The following SLC4A10 variants were observed in gnomAD, a reference collection of about 807,000 sequenced individuals.
The protein encoded by SLC4A10 is solute carrier family 4 member 10, also known as sodium-driven chloride bicarbonate exchanger.
In SLC4A10, 42 loss-of-function variants were observed where a neutral mutation model predicts 137.7. The ratio of observed to expected loss-of-function variants is 0.30; its 90% CI spans 0.24 to 0.39. The LOEUF (loss-of-function observed/expected upper bound fraction) is 0.39. SLC4A10 is among the 10% of genes least tolerant of loss of function. The probability of loss-of-function intolerance (pLI) is 1.00; values close to 1 mark genes in which losing one functional copy is unlikely to be tolerated. For missense variants in SLC4A10, 925 were observed against 1,355.0 expected (o/e 0.68, Z 4.98); for synonymous variants, 474 against 464.1 (o/e 1.02, Z -0.27).
intron 1 of SLC4A10, among the ~76,000 whole-genome samples, chr2:161,636,563 A>T (rs977887717): frequency 2.0e-5 from 3 of 151,524 alleles, no homozygotes; most frequent in South Asian, 2.1e-4. Context: ...TACCTGGCTA[A>T]TTTTTTTTGT....
intron 1 of SLC4A10, among the ~76,000 whole-genome samples, chr2:161,769,698 T>G (rs1363618606): frequency 6.6e-6 from 1 of 151,906 alleles, no homozygotes; most frequent in African/African-American, 2.4e-5. Flanking sequence ...CTTCTTTCAT[T>G]TCTCTTCTCC....
chr2:161,809,680 T>G (rs2056352324), intron 3 of SLC4A10, among the ~76,000 whole-genome samples: 1 of 151,954 alleles, frequency 6.6e-6, no homozygotes, highest in African/African-American at 2.4e-5. Context: ...AAGAGCAGAC[T>G]GTTGTAGGTG....
At chr2:161,976,229 AT>A (rs1443155142) in intron 24 of SLC4A10, among the ~76,000 whole-genome samples, 1 of 152,244 alleles carries the variant, frequency 6.6e-6, no homozygotes, top group African/African-American at 2.4e-5. Context: ...ATATTGTACA[AT>A]AAACAAAATG....
chr2:161,774,295 CAT>C (rs2052040169), intron 2 of SLC4A10, among the ~76,000 whole-genome samples: 2 of 151,856 alleles, frequency 1.3e-5, no homozygotes, highest in Admixed American at 6.6e-5. Context: ...CCCTTTAACA[CAT>C]GTCAGATAAA....
intron 3 of SLC4A10, among the ~76,000 whole-genome samples, chr2:161,824,869 C>A (rs2057909794): frequency 6.6e-6 from 1 of 152,126 alleles, no homozygotes; most frequent in Admixed American, 6.5e-5. Flanking sequence ...AGTGTGTCTG[C>A]CTCTCTTGCC....
At chr2:161,879,061 C>A in intron 8 of SLC4A10, 70 bp from the exon 9 acceptor site, 2 of 1,391,746 alleles carry the variant, frequency 1.4e-6, no homozygotes, top group Non-Finnish European at 2.0e-6. Flanking sequence ...ATGTGAAGCA[C>A]TGTGCAAGAA....
rs778484734 is a variant in SLC4A10, at chr2:161,904,103, A to G, written c.1542A>G (p.Leu514=). The G allele has an allele frequency of 7.5e-6, 12 of 1,608,622 alleles. No individual in the cohort carries two copies. In the South Asian group the frequency reaches 1.0e-4, roughly 13 times the overall value. ...AFSLQCLASF[L]FLYCACMSPV... Reference sequence around the variant, plus strand: ...GCCTGCAGTGCTTAGCATCTTTTCTATTTCTCTACTGCGCGTGTATGTCTC... The same window carrying G: ...GCCTGCAGTGCTTAGCATCTTTTCTGTTTCTCTACTGCGCGTGTATGTCTC... Residue 514 remains leucine, a synonymous_variant, in exon 13 of 27, where the codon CTA becomes CTG. Coordinates refer to ENST00000446997, the MANE Select transcript of SLC4A10 (RefSeq NM_001178015.2).
chr2:161,961,231 T>C (rs1370069308), intron 21 of SLC4A10, among the ~76,000 whole-genome samples: 1 of 152,134 alleles, frequency 6.6e-6, no homozygotes, highest in Admixed American at 6.5e-5. Context: ...AGCTTCTGAC[T>C]TTGGGAGAAA....
Position 161,950,835 on chromosome 2 carries a change from A to G in SLC4A10, c.2528A>G (p.Glu843Gly). The G allele has an allele frequency of 1.2e-6, 2 of 1,601,896 alleles. No homozygotes were observed. Among genetic ancestry groups the G allele is most frequent in the Non-Finnish European group, 1.7e-6 (2 of 1,173,694 alleles). ...ACAGCTGTCATCATCAACAGGAAAG[A>G]GCATAAGCTAAAGGTATATTTTAAC... ...QITAVIINRK[E>G]HKLKKGCGYH... Residue 843 changes from glutamate to glycine, a missense_variant, in exon 19 of 27, where the codon GAG becomes GGG. Physicochemically the swap from Glu to Gly is moderately conservative, Grantham distance 98. This residue lies in a region of SLC4A10 where 82 missense variants were observed against 151.4 expected (regional missense o/e 0.54). Transcript: ENST00000446997.
intron 1 of SLC4A10, among the ~76,000 whole-genome samples, chr2:161,703,547 T>C (rs2125019532): frequency 6.6e-6 from 1 of 151,828 alleles, no homozygotes; most frequent in Non-Finnish European, 1.5e-5. Context: ...TCTGTTTGTA[T>C]AGATATGAAG....
At chr2:161,652,761 C>T (rs2105601771) in intron 1 of SLC4A10, among the ~76,000 whole-genome samples, 1 of 147,090 alleles carries the variant, frequency 6.8e-6, no homozygotes, top group South Asian at 2.2e-4. Context: ...TTCCCCTTTA[C>T]CCTGGCCCTT....
chr2:161,773,390 G>A (rs543490409), intron 2 of SLC4A10, among the ~76,000 whole-genome samples: 5 of 151,954 alleles, frequency 3.3e-5, no homozygotes, highest in Admixed American at 3.3e-4. Flanking sequence ...TCAAATTGTA[G>A]TATCCTCCTT....
rs543808237 is a variant in SLC4A10 at position 161,650,787 on chromosome 2, A to G, written c.48+26221A>G. ...GGCCACCTCTGGACTTTGGGTGCCAATGAGCATGGGAGGGAGGCTGAGTGG... is the reference window on the plus strand; with the variant it reads ...GGCCACCTCTGGACTTTGGGTGCCAGTGAGCATGGGAGGGAGGCTGAGTGG... On this transcript the variant is annotated intron_variant, in intron 1 of 26. Transcript: ENST00000446997. Among the ~76,000 whole-genome samples, 7 of 151,868 alleles carry G rather than the reference A, an allele frequency of 4.6e-5. No individual in the cohort carries two copies. In the South Asian group the frequency reaches 1.5e-3, roughly 32 times the overall value.
At chr2:161,694,370 T>G (rs1189852847) in intron 1 of SLC4A10, among the ~76,000 whole-genome samples, 1 of 151,894 alleles carries the variant, frequency 6.6e-6, no homozygotes, top group East Asian at 1.9e-4. Flanking sequence ...TTATGCTGCT[T>G]AAGGCTAAGA....
intron 4 of SLC4A10, among the ~76,000 whole-genome samples, chr2:161,851,402 G>A (rs2059827025): frequency 2.0e-5 from 3 of 152,044 alleles, no homozygotes; most frequent in Admixed American, 2.0e-4. Flanking sequence ...TCCAGTATTG[G>A]GTGCATATAT....
chr2:161,950,839 T>C lies in SLC4A10; in HGVS notation c.2532T>C (p.His844=). 1 of 1,600,306 alleles carries C rather than the reference T, an allele frequency of 6.2e-7. No individual in the cohort carries two copies. The highest frequency in any genetic ancestry group is 8.5e-7 in the Non-Finnish European group (1 of 1,172,770). Residue 844 remains histidine, a synonymous_variant, in exon 19 of 27, where the codon CAT becomes CAC. Coordinates refer to ENST00000446997, the MANE Select transcript of SLC4A10 (RefSeq NM_001178015.2). The part of the protein sequence containing the change: ...ITAVIINRKE[H]KLKKGCGYHL... ...CTGTCATCATCAACAGGAAAGAGCA[T>C]AAGCTAAAGGTATATTTTAACATCC...
chr2:161,842,957 A>G (rs2059275324), intron 4 of SLC4A10, among the ~76,000 whole-genome samples: 1 of 152,152 alleles, frequency 6.6e-6, no homozygotes, highest in African/African-American at 2.4e-5. Context: ...AAGGAAGGCG[A>G]TCTGGTGATT....
chr2:161,941,037 A>C (rs750637045), intron 15 of SLC4A10, among the ~76,000 whole-genome samples: 4 of 152,226 alleles, frequency 2.6e-5, no homozygotes, highest in Non-Finnish European at 5.9e-5. Context: ...CATTGTAAAA[A>C]ATAACAGAAC....
At chr2:161,829,585 C>G (rs1290933465) in intron 3 of SLC4A10, among the ~76,000 whole-genome samples, 2 of 152,032 alleles carry the variant, frequency 1.3e-5, no homozygotes, top group African/African-American at 2.4e-5. Flanking sequence ...AATTATTCCA[C>G]TTTGTTTTTT....
Sources: gnomAD v4.1 joint callset for allele counts (sites outside exome capture counted in the v4.1 genomes callset) on GRCh38, gnomAD v4.1.1 for gene constraint, gnomAD v4.1.1 regional missense constraint, MANE v1.5 for transcripts, NCBI Gene and HGNC (gene_info 2026-07-23, HGNC 2026-07-21) for gene names.